Variants in SORCS3 observed in about 807,000 individuals in gnomAD.
SORCS3 encodes the protein sortilin related VPS10 domain containing receptor 3.
A neutral mutation model predicts 146.3 loss-of-function variants in SORCS3; 57 were observed. The observed-to-expected ratio is 0.39, with a 90% CI of 0.31 to 0.49. SORCS3 has a LOEUF of 0.49. Ranked by LOEUF, SORCS3 falls within the 20% of genes least tolerant of loss-of-function variation. The pLI, the probability that SORCS3 is intolerant of heterozygous loss-of-function variation, is 0.92. For missense variants in SORCS3, 1,341 were observed against 1,575.5 expected, an observed-to-expected ratio of 0.85 and a Z score of 2.52; for synonymous variants, 653 against 618.5, an observed-to-expected ratio of 1.06 and a Z score of -0.83.
chr10:105,110,024 C>T (rs1171035830), intron 7 of SORCS3, among the ~76,000 whole-genome samples: 1 of 151,792 alleles, frequency 6.6e-6, no homozygotes, highest in Non-Finnish European at 1.5e-5. Context: ...AGGATGTGTA[C>T]ACTAGACAGG....
intron 4 of SORCS3, among the ~76,000 whole-genome samples, chr10:105,018,083 T>C (rs138892875): frequency 8.5e-5 from 13 of 152,348 alleles, no homozygotes; most frequent in African/African-American, 3.1e-4. Context: ...TTAGCTGTGA[T>C]GTTCAAGAGA....
chr10:104,772,471 C>CT (rs1308253186), intron 1 of SORCS3, among the ~76,000 whole-genome samples: 1 of 152,238 alleles, frequency 6.6e-6, no homozygotes. Flanking sequence ...GCCCAAATCT[C>CT]TGTCATTTTC....
At chr10:104,947,445 G>A (rs1298805538) in intron 3 of SORCS3, among the ~76,000 whole-genome samples, 1 of 152,082 alleles carries the variant, frequency 6.6e-6, no homozygotes, top group African/African-American at 2.4e-5. Context: ...TCTTGGGGGA[G>A]GCACAATAAA....
intron 16 of SORCS3, among the ~76,000 whole-genome samples, chr10:105,204,374 T>C (rs2056590266): frequency 6.6e-6 from 1 of 152,092 alleles, no homozygotes; most frequent in South Asian, 2.1e-4. Context: ...AAAAATAAAG[T>C]TTCCAAGTTT....
chr10:105,040,633 G>A (rs529422113), intron 4 of SORCS3, among the ~76,000 whole-genome samples: 47 of 152,234 alleles, frequency 3.1e-4, no homozygotes, highest in African/African-American at 1.1e-3. Context: ...TACTCTGTTT[G>A]CTTCCTAAAC....
chr10:104,975,506 A>G (rs1245966766), intron 3 of SORCS3, among the ~76,000 whole-genome samples: 3 of 152,214 alleles, frequency 2.0e-5, no homozygotes, highest in African/African-American at 7.2e-5. Context: ...TATAGAGTCA[A>G]TGCCATCCCC....
At chr10:105,141,361 G>A (rs756222855) in intron 8 of SORCS3, among the ~76,000 whole-genome samples, 6 of 152,202 alleles carry the variant, frequency 3.9e-5, no homozygotes, top group Non-Finnish European at 7.3e-5. Context: ...TTATTAGCCA[G>A]TGCTGGCCCA....
intron 14 of SORCS3, among the ~76,000 whole-genome samples, chr10:105,193,883 G>A (rs192270219): frequency 3.6e-4 from 55 of 152,228 alleles, no homozygotes; most frequent in African/African-American, 1.3e-3. Context: ...TTTAGAATCA[G>A]AGGAGTTTTA....
chr10:104,691,413 C>T (rs1196198825), intron 1 of SORCS3, among the ~76,000 whole-genome samples: 1 of 152,180 alleles, frequency 6.6e-6, no homozygotes, highest in Non-Finnish European at 1.5e-5. Flanking sequence ...GGATTAGCAC[C>T]AACTAAAGAG....
At chr10:105,009,100 T>C (rs2055115515) in intron 4 of SORCS3, among the ~76,000 whole-genome samples, 1 of 152,220 alleles carries the variant, frequency 6.6e-6, no homozygotes, top group Admixed American at 6.5e-5. Flanking sequence ...AGTGCTTCCA[T>C]GTGAATTATC....
intron 13 of SORCS3, among the ~76,000 whole-genome samples, chr10:105,173,048 A>G (rs989099626): frequency 9.9e-5 from 15 of 152,144 alleles, no homozygotes; most frequent in Admixed American, 6.6e-5. Context: ...AATTATGATG[A>G]GAAATCTAGA....
intron 20 of SORCS3, among the ~76,000 whole-genome samples, chr10:105,235,372 G>A (rs1589701998): frequency 6.6e-6 from 1 of 151,718 alleles, no homozygotes; most frequent in African/African-American, 2.4e-5. Flanking sequence ...GTCACCTACT[G>A]GTGATAAAAT....
chr10:104,807,786 C>T (rs1171122009), intron 1 of SORCS3, among the ~76,000 whole-genome samples: 5 of 152,076 alleles, frequency 3.3e-5, no homozygotes, highest in African/African-American at 4.8e-5. Context: ...GGATTTATAG[C>T]GATGATTCCA....
intron 9 of SORCS3, among the ~76,000 whole-genome samples, chr10:105,148,585 T>C (rs1341280790): frequency 1.3e-5 from 2 of 152,104 alleles, no homozygotes; most frequent in South Asian, 4.1e-4. Flanking sequence ...TGTCTCATTA[T>C]CCAATATTCA....
At chr10:105,024,676 A>T (rs1253605603) in intron 4 of SORCS3, among the ~76,000 whole-genome samples, 1 of 152,210 alleles carries the variant, frequency 6.6e-6, no homozygotes, top group Non-Finnish European at 1.5e-5. Flanking sequence ...TTACCCTGCA[A>T]ATAGTCACTG....
chr10:105,113,377 T>C (rs960982151), intron 7 of SORCS3, among the ~76,000 whole-genome samples: 1 of 152,164 alleles, frequency 6.6e-6, no homozygotes, highest in Non-Finnish European at 1.5e-5. Flanking sequence ...CATTTGAGAG[T>C]ACAGTTTAAA....
intron 4 of SORCS3, among the ~76,000 whole-genome samples, chr10:105,013,196 C>T (rs577826685): frequency 8.6e-4 from 131 of 152,104 alleles, no homozygotes; most frequent in Middle Eastern, 6.8e-3. Flanking sequence ...GAAAGCAAAA[C>T]AAAGGAGTAA....
chr10:104,983,146 C>T (rs1309564189), intron 4 of SORCS3, among the ~76,000 whole-genome samples: 1 of 152,088 alleles, frequency 6.6e-6, no homozygotes, highest in African/African-American at 2.4e-5. Flanking sequence ...ATTACAGGCA[C>T]CTGCCACCAG....
intron 1 of SORCS3, among the ~76,000 whole-genome samples, chr10:104,688,855 C>T (rs1023118771): frequency 2.0e-5 from 3 of 152,164 alleles, no homozygotes; most frequent in Non-Finnish European, 1.5e-5. Context: ...GCAGCAAGTC[C>T]TTGAGTCCTC....
Sources: gnomAD v4.1 joint callset for allele counts (sites outside exome capture counted in the v4.1 genomes callset) on GRCh38, gnomAD v4.1.1 for gene constraint, MANE v1.5 for transcripts, NCBI Gene and HGNC (gene_info 2026-07-23, HGNC 2026-07-21) for gene names.